The following ALG14 variants were observed in gnomAD, a reference collection of about 807,000 sequenced individuals.
ALG14 encodes UDP-N-acetylglucosamine transferase subunit ALG14.
In ALG14, 17 loss-of-function variants were observed where a neutral mutation model predicts 22.8. That is an observed-to-expected ratio of 0.75 (90% confidence interval 0.51 to 1.12). The LOEUF is 1.12. ALG14 is among the 50% of genes most tolerant of loss of function. ALG14 has a pLI of 0.00. For synonymous variants in ALG14, 89 were observed against 103.7 expected, an observed-to-expected ratio of 0.86 and a Z score of 0.86; for missense variants, 288 against 271.8, an observed-to-expected ratio of 1.06 and a Z score of -0.42.
At chr1:94,984,941 TTTTC>T (rs1465934089) in intron 3 of ALG14, among the ~76,000 whole-genome samples, 2 of 152,312 alleles carry the variant, frequency 1.3e-5, no homozygotes, top group Non-Finnish European at 2.9e-5. Context: ...GTTCTCTTTT[TTTTC>T]TTTTTTTTGT....
intron 2 of ALG14, among the ~76,000 whole-genome samples, chr1:95,053,572 G>C (rs1437174183): frequency 1.3e-5 from 2 of 151,834 alleles, no homozygotes; most frequent in Admixed American, 1.3e-4. Context: ...TTGTTTGTTT[G>C]TTTTTAGAGA....
At chr1:95,008,004 A>C (rs1673263570) in intron 3 of ALG14, among the ~76,000 whole-genome samples, 1 of 151,828 alleles carries the variant, frequency 6.6e-6, no homozygotes, top group Non-Finnish European at 1.5e-5. Flanking sequence ...TGCTCAACAA[A>C]CCTTAGTGGA....
chr1:94,983,346 A>G (rs751309841), intron 3 of ALG14, 40 bp from the exon 4 acceptor site: 3 of 1,559,828 alleles, frequency 1.9e-6, no homozygotes, highest in South Asian at 1.1e-5. Flanking sequence ...AATACAGAAT[A>G]ATAATCTAAG....
intron 3 of ALG14, among the ~76,000 whole-genome samples, chr1:95,026,160 C>T (rs1352332975): frequency 6.6e-6 from 1 of 152,236 alleles, no homozygotes; most frequent in East Asian, 1.9e-4. Flanking sequence ...CCTTGATCTC[C>T]TAACCTTGTG....
intron 3 of ALG14, among the ~76,000 whole-genome samples, chr1:95,008,581 A>T (rs375477655): frequency 1.3e-5 from 2 of 152,110 alleles, no homozygotes; most frequent in African/African-American, 2.4e-5. Context: ...TCTGTAGAAT[A>T]AAAAAACCCT....
At chr1:95,026,995 C>T in intron 3 of ALG14, 134 bp downstream of exon 3, 1 of 1,120,640 alleles carries the variant, frequency 8.9e-7, no homozygotes, top group Non-Finnish European at 1.2e-6. Context: ...ATCAAGGCAC[C>T]AGCCAGTTCA....
chr1:95,038,081 C>T (rs890363462), intron 2 of ALG14, among the ~76,000 whole-genome samples: 1 of 152,222 alleles, frequency 6.6e-6, no homozygotes, highest in South Asian at 2.1e-4. Flanking sequence ...GTGGTTCACA[C>T]CTGTAATCCC....
intron 2 of ALG14, among the ~76,000 whole-genome samples, chr1:95,063,127 G>T (rs745593270): frequency 1.3e-5 from 2 of 152,018 alleles, no homozygotes; most frequent in African/African-American, 2.4e-5. Context: ...CATGTCCTTT[G>T]CCCACTTTTT....
chr1:95,043,172 C>A (rs1291388602), intron 2 of ALG14, among the ~76,000 whole-genome samples: 2 of 152,142 alleles, frequency 1.3e-5, no homozygotes, highest in African/African-American at 4.8e-5. Context: ...CACTGAAATG[C>A]CCTTTTCTCT....
At chr1:95,061,253 C>A (rs1234590457) in intron 2 of ALG14, among the ~76,000 whole-genome samples, 2 of 152,160 alleles carry the variant, frequency 1.3e-5, no homozygotes, top group African/African-American at 4.8e-5. Context: ...TTTGTTACAG[C>A]AACCCTAAGA....
intron 3 of ALG14, among the ~76,000 whole-genome samples, chr1:95,009,114 G>A (rs1673294909): frequency 1.3e-5 from 2 of 151,888 alleles, no homozygotes; most frequent in South Asian, 4.2e-4. Flanking sequence ...TATGAATACT[G>A]GTGTACAAGT....
In ALG14 at chr1:94,993,361, ATT is replaced by A. The variant is rs1165931662; in HGVS notation, c.421-10057_421-10056del. On this transcript the variant is annotated intron_variant, in intron 3 of 3. Transcript: ENST00000370205. ...ATCTTATTTATATTTATATATAGAT[ATT>A]TAAGTATTTATATTTAAATATTTAA... Among the ~76,000 whole-genome samples, 3 of 146,506 alleles carry A rather than the reference ATT, an allele frequency of 2.0e-5. No individual in the cohort carries two copies. In the South Asian group the frequency reaches 6.3e-4, roughly 31 times the overall value.
At chr1:95,041,171 TAGACCG>T (rs1674364573) in intron 2 of ALG14, among the ~76,000 whole-genome samples, 1 of 152,244 alleles carries the variant, frequency 6.6e-6, no homozygotes, top group Non-Finnish European at 1.5e-5. Flanking sequence ...TTTGCTCATT[TAGACCG>T]GCCTCCTTTC....
intron 3 of ALG14, among the ~76,000 whole-genome samples, chr1:95,008,615 G>T (rs1213406072): frequency 6.6e-6 from 1 of 152,126 alleles, no homozygotes; most frequent in African/African-American, 2.4e-5. Flanking sequence ...AAATGATCCA[G>T]TAAGTGGGTA....
intron 2 of ALG14, among the ~76,000 whole-genome samples, chr1:95,039,407 G>A (rs773134687): frequency 1.3e-5 from 2 of 152,076 alleles, no homozygotes; most frequent in African/African-American, 2.4e-5. Context: ...AAGGCCTGAC[G>A]GCCAGCAGCA....
chr1:95,007,277 C>T (rs1673244584), intron 3 of ALG14, among the ~76,000 whole-genome samples: 1 of 152,144 alleles, frequency 6.6e-6, no homozygotes, highest in Non-Finnish European at 1.5e-5. Context: ...CAAATACTAA[C>T]AATTATTTTT....
chr1:95,058,691 CAA>C (rs11422775), intron 2 of ALG14, among the ~76,000 whole-genome samples: 6 of 135,790 alleles, frequency 4.4e-5, no homozygotes, highest in African/African-American at 5.4e-5. Flanking sequence ...TAACCTTTCT[CAA>C]AAAAAAAAAA....
intron 2 of ALG14, chr1:95,041,640 G>T (rs1419149787): frequency 6.9e-6 from 1 of 144,876 alleles, no homozygotes; most frequent in East Asian, 2.0e-4. Flanking sequence ...AAGAAAGAAA[G>T]AAAAAAAAAG....
intron 2 of ALG14, among the ~76,000 whole-genome samples, chr1:95,053,788 A>C (rs61774264): frequency 0.019 from 2,920 of 152,326 alleles, 50 homozygotes; most frequent in Non-Finnish European, 0.029. Context: ...ATAGAAGATG[A>C]CTTGAACAAT....
Sources: allele counts gnomAD v4.1 joint callset (sites outside exome capture counted in the v4.1 genomes callset), GRCh38; gene constraint gnomAD v4.1.1; transcripts MANE v1.5; gene names NCBI Gene and HGNC (gene_info 2026-07-23, HGNC 2026-07-21).